The following KCTD8 variants were observed in gnomAD, a reference collection of about 807,000 sequenced individuals.
KCTD8 encodes the protein BTB/POZ domain-containing protein KCTD8.
Under a neutral mutation model 31.5 loss-of-function variants are expected in KCTD8, and 27 were observed. The observed-to-expected ratio is 0.86, with a 90% CI of 0.63 to 1.18. The LOEUF is 1.18. KCTD8 is among the 50% of genes most tolerant of loss of function. The pLI, the probability that KCTD8 is intolerant of heterozygous loss-of-function variation, is 0.00. For synonymous variants in KCTD8, 290 were observed against 280.0 expected, an observed-to-expected ratio of 1.04 and a Z score of -0.36; for missense variants, 658 against 647.7, an observed-to-expected ratio of 1.02 and a Z score of -0.17.
At position 44,392,166 on chromosome 4, in the gene KCTD8, G is replaced by T. The variant is rs548944584; in HGVS notation, c.961+55397C>A. Among the ~76,000 whole-genome samples the T allele has an allele frequency of 4.0e-5, 6 of 151,784 alleles. No individual in the cohort carries two copies. The East Asian group carries it at 1.2e-3, about 30-fold the overall frequency. ...CTCTTCTCATTAACTCATAAAACTAGGTTTATAGGTTTTTACTTTCCGATA... is the reference window on the plus strand; with the variant it reads ...CTCTTCTCATTAACTCATAAAACTATGTTTATAGGTTTTTACTTTCCGATA... On this transcript the variant is annotated intron_variant, in intron 1 of 1. Coordinates refer to ENST00000360029, the MANE Select transcript of KCTD8 (RefSeq NM_198353.3).
chr4:44,325,710 C>T (rs538846264), intron 1 of KCTD8, among the ~76,000 whole-genome samples: 1 of 151,810 alleles, frequency 6.6e-6, no homozygotes, highest in Admixed American at 6.6e-5. Flanking sequence ...GCCCCAGGCA[C>T]AAAGATATTA....
chr4:44,419,648 C>G (rs1026935968), intron 1 of KCTD8, among the ~76,000 whole-genome samples: 1 of 151,562 alleles, frequency 6.6e-6, no homozygotes, highest in Non-Finnish European at 1.5e-5. Context: ...GGGAACTGAA[C>G]AATGAGAACG....
At chr4:44,421,435 A>T (rs1420317545) in intron 1 of KCTD8, among the ~76,000 whole-genome samples, 6 of 152,238 alleles carry the variant, frequency 3.9e-5, no homozygotes, top group South Asian at 4.1e-4. Flanking sequence ...ATTTCCAGGT[A>T]TACCAACAGA....
chr4:44,236,206 C>T (rs895195668), intron 1 of KCTD8, among the ~76,000 whole-genome samples: 3 of 152,178 alleles, frequency 2.0e-5, no homozygotes, highest in African/African-American at 4.8e-5. Flanking sequence ...CATCATTCTC[C>T]CATGCTCCCA....
chr4:44,212,276 T>C (rs1417161159), intron 1 of KCTD8, among the ~76,000 whole-genome samples: 3 of 152,174 alleles, frequency 2.0e-5, no homozygotes, highest in Admixed American at 2.0e-4. Flanking sequence ...TGTGATACTC[T>C]ACTCTAATTA....
chr4:44,307,435 G>A (rs1343823215), intron 1 of KCTD8, among the ~76,000 whole-genome samples: 1 of 151,810 alleles, frequency 6.6e-6, no homozygotes, highest in African/African-American at 2.4e-5. Context: ...TCGTACACTT[G>A]CTCATGCGTG....
intron 1 of KCTD8, among the ~76,000 whole-genome samples, chr4:44,363,942 T>G (rs1719565391): frequency 6.6e-6 from 1 of 152,004 alleles, no homozygotes; most frequent in South Asian, 2.1e-4. Flanking sequence ...AAAAATCAAC[T>G]AAAAATGGAT....
At position 44,448,227 on chromosome 4, in the gene KCTD8, G is replaced by C. The variant is rs1340573191; in HGVS notation, c.297C>G (p.Ile99Met). The C allele has an allele frequency of 7.4e-6, 12 of 1,611,936 alleles. No individual in the cohort carries two copies. The highest frequency in any genetic ancestry group is 8.5e-6 in the Non-Finnish European group (10 of 1,179,550). Residue 99 changes from isoleucine to methionine, a missense_variant, in exon 1 of 2, where the codon ATC (isoleucine) becomes ATG (methionine). Physicochemically the swap from Ile to Met is conservative, Grantham distance 10 (BLOSUM62 1). Transcript: ENST00000360029. This position sits in a 1 kb window ranked among gnomAD's most constrained non-coding sequence, Gnocchi z 4.1. ...LPRDSRARFFIDRDGFLFRYV... is the reference protein window; with the variant it reads ...LPRDSRARFFMDRDGFLFRYV... ...ACCTGAAAAGGAAGCCGTCCCGGTCGATGAAGAAGCGCGCCCGGCTGTCCC... is the reference window on the plus strand; with the variant it reads ...ACCTGAAAAGGAAGCCGTCCCGGTCCATGAAGAAGCGCGCCCGGCTGTCCC...
intron 1 of KCTD8, among the ~76,000 whole-genome samples, chr4:44,435,596 C>A (rs1030485346): frequency 6.6e-6 from 1 of 151,974 alleles, no homozygotes; most frequent in African/African-American, 2.4e-5. Context: ...CTATGACATA[C>A]ACATTAATAC....
At chr4:44,379,827 T>C (rs1468638211) in intron 1 of KCTD8, among the ~76,000 whole-genome samples, 1 of 152,140 alleles carries the variant, frequency 6.6e-6, no homozygotes, top group South Asian at 2.1e-4. Context: ...ACATATACCA[T>C]GGTAATCTAG....
At chr4:44,425,985 G>A (rs1392777588) in intron 1 of KCTD8, among the ~76,000 whole-genome samples, 2 of 151,142 alleles carry the variant, frequency 1.3e-5, no homozygotes, top group Non-Finnish European at 1.5e-5. Flanking sequence ...GTAACCAAAG[G>A]CAATAAAAAT....
At chr4:44,302,820 G>A (rs1342436582) in intron 1 of KCTD8, among the ~76,000 whole-genome samples, 37 of 152,096 alleles carry the variant, frequency 2.4e-4, no homozygotes, top group Non-Finnish European at 4.4e-4. Flanking sequence ...AATGCTTCCA[G>A]TTTTTGCCCA....
At chr4:44,257,177 GT>G (rs1716015213) in intron 1 of KCTD8, among the ~76,000 whole-genome samples, 1 of 151,872 alleles carries the variant, frequency 6.6e-6, no homozygotes, top group South Asian at 2.1e-4. Context: ...ATATGAAAAT[GT>G]TCACTTTGTG....
intron 1 of KCTD8, among the ~76,000 whole-genome samples, chr4:44,198,851 G>A (rs892293766): frequency 2.6e-5 from 4 of 151,998 alleles, no homozygotes; most frequent in Admixed American, 6.6e-5. Flanking sequence ...CATTTAAAAG[G>A]CATAAAGTGG....
chr4:44,395,037 T>C (rs1414416996), intron 1 of KCTD8, among the ~76,000 whole-genome samples: 1 of 152,090 alleles, frequency 6.6e-6, no homozygotes, highest in African/African-American at 2.4e-5. Flanking sequence ...GTGGTGATAT[T>C]ACCCTCTAGA....
intron 1 of KCTD8, among the ~76,000 whole-genome samples, chr4:44,429,760 T>C (rs992733124): frequency 6.6e-6 from 1 of 151,684 alleles, no homozygotes; most frequent in African/African-American, 2.4e-5. Context: ...ATCATTAATA[T>C]AATATTCCTA....
chr4:44,235,453 A>G (rs1715247553), intron 1 of KCTD8, among the ~76,000 whole-genome samples: 1 of 144,808 alleles, frequency 6.9e-6, no homozygotes, highest in Admixed American at 6.9e-5. Context: ...ATCTGTATAT[A>G]TACAGATAGA....
chr4:44,425,999 C>T lies in KCTD8; in HGVS notation c.961+21564G>A, dbSNP rs190652232. 1.5e-4 allele frequency among the ~76,000 whole-genome samples: 22 copies of T among 150,460 alleles called. No individual in the cohort carries two copies. The East Asian group carries it at 4.1e-3, about 28-fold the overall frequency. On this transcript the variant is annotated intron_variant, in intron 1 of 1. Transcript: ENST00000360029. ...TGTAACCAAAGGCAATAAAAATTAG[C>T]GATAAATAACAAGAGGAATTTGAAA...
intron 1 of KCTD8, among the ~76,000 whole-genome samples, chr4:44,378,856 T>A (rs911624452): frequency 6.6e-6 from 1 of 152,148 alleles, no homozygotes; most frequent in African/African-American, 2.4e-5. Flanking sequence ...AAGTCCAAAA[T>A]TATTCTTAGT....
Sources: gnomAD v4.1 joint callset for allele counts (sites outside exome capture counted in the v4.1 genomes callset) on GRCh38, gnomAD v4.1.1 for gene constraint, Gnocchi (gnomAD v3.1) non-coding constraint, MANE v1.5 for transcripts, NCBI Gene and HGNC (gene_info 2026-07-23, HGNC 2026-07-21) for gene names.